Variants in BCKDHB observed in about 807,000 individuals in gnomAD.
The protein encoded by BCKDHB is 2-oxoisovalerate dehydrogenase subunit beta, mitochondrial.
BCKDHB carries 41 observed loss-of-function variants against 48.5 expected under a neutral mutation model. That is an observed-to-expected ratio of 0.85 (90% confidence interval 0.66 to 1.10). BCKDHB has a LOEUF of 1.10. Ranked by LOEUF, BCKDHB falls within the 50% of genes least tolerant of loss-of-function variation. The pLI is 0.00. For missense variants in BCKDHB, 496 were observed against 494.2 expected, an observed-to-expected ratio of 1.00 and a Z score of -0.03; for synonymous variants, 201 against 174.8, an observed-to-expected ratio of 1.15 and a Z score of -1.18.
At chr6:80,331,000 G>A (rs1403482807) in intron 9 of BCKDHB, among the ~76,000 whole-genome samples, 1 of 152,060 alleles carries the variant, frequency 6.6e-6, no homozygotes, top group African/African-American at 2.4e-5. Flanking sequence ...AAAGATAATC[G>A]TTTTGCACAA....
intron 3 of BCKDHB, among the ~76,000 whole-genome samples, chr6:80,130,053 A>C (rs545633556): frequency 6.6e-6 from 1 of 152,278 alleles, no homozygotes; most frequent in South Asian, 2.1e-4. Context: ...ATTTCTGCCC[A>C]TTGCTTTTAT....
At chr6:80,195,803 C>G (rs1480822398) in intron 6 of BCKDHB, among the ~76,000 whole-genome samples, 1 of 152,196 alleles carries the variant, frequency 6.6e-6, no homozygotes, top group Non-Finnish European at 1.5e-5. Context: ...CCCCTCCTAC[C>G]TTTCCCCATT....
intron 3 of BCKDHB, among the ~76,000 whole-genome samples, chr6:80,137,005 G>A (rs1770923034): frequency 6.6e-6 from 1 of 152,098 alleles, no homozygotes; most frequent in Non-Finnish European, 1.5e-5. Flanking sequence ...GTGCATTGTT[G>A]GTGGGAATGT....
At chr6:80,286,421 AT>A (rs1766629832) in intron 9 of BCKDHB, among the ~76,000 whole-genome samples, 1 of 152,174 alleles carries the variant, frequency 6.6e-6, no homozygotes, top group African/African-American at 2.4e-5. Flanking sequence ...GGGACAAAAT[AT>A]TTTGTTTATT....
intron 9 of BCKDHB, among the ~76,000 whole-genome samples, chr6:80,332,926 GA>G (rs34943803): frequency 5.3e-4 from 78 of 147,510 alleles, no homozygotes; most frequent in African/African-American, 7.0e-4. Flanking sequence ...GCACTAAAAA[GA>G]AAAAAAAAAA....
intron 8 of BCKDHB, among the ~76,000 whole-genome samples, chr6:80,217,486 C>A (rs541741769): frequency 7.9e-4 from 120 of 152,230 alleles, no homozygotes; most frequent in Non-Finnish European, 1.2e-3. Context: ...CATATCATTA[C>A]AGTTTTTTCT....
At chr6:80,130,522 T>A (rs1034835833) in intron 3 of BCKDHB, among the ~76,000 whole-genome samples, 1 of 152,224 alleles carries the variant, frequency 6.6e-6, no homozygotes. Flanking sequence ...GTCCGTCTGC[T>A]TTCTCCTACT....
Position 80,298,824 on chromosome 6 carries a change from C to T in BCKDHB, c.1038+25603C>T, listed in dbSNP as rs571629402. Among the ~76,000 whole-genome samples the T allele has an allele frequency of 7.2e-5, 11 of 152,266 alleles. No individual in the cohort carries two copies. The East Asian group carries it at 7.8e-4, about 11-fold the overall frequency. On this transcript the variant is annotated intron_variant, in intron 9 of 9. Coordinates refer to ENST00000320393, the MANE Select transcript of BCKDHB (RefSeq NM_183050.4). ...AGAAAGACCCACTCATTGCAGCCAA[C>T]GCTGAATCAGAAGTTCAGTCTGCTG... is the stretch of plus-strand genomic sequence containing the variant.
At chr6:80,115,285 C>G (rs1211193310) in intron 1 of BCKDHB, among the ~76,000 whole-genome samples, 5 of 152,120 alleles carry the variant, frequency 3.3e-5, no homozygotes, top group African/African-American at 1.2e-4. Flanking sequence ...GTAGTTGGGA[C>G]TATCGTCACG....
chr6:80,297,058 G>A (rs1356778116), intron 9 of BCKDHB, among the ~76,000 whole-genome samples: 1 of 152,156 alleles, frequency 6.6e-6, no homozygotes, highest in Non-Finnish European at 1.5e-5. Flanking sequence ...TTAGGTACTA[G>A]GTGTGGAGTC....
At chr6:80,385,431 A>G in the BCKDHB span, among the ~76,000 whole-genome samples, 1 of 152,214 alleles carries the variant, frequency 6.6e-6, no homozygotes, top group Non-Finnish European at 1.5e-5. Context: ...GATGTGTGGG[A>G]GGACCCTGTT....
the BCKDHB span, among the ~76,000 whole-genome samples, chr6:80,399,929 T>A: frequency 2.0e-5 from 3 of 151,914 alleles, no homozygotes; most frequent in Non-Finnish European, 4.4e-5. Context: ...AATAAAGCCA[T>A]ATACCTACAA....
chr6:80,149,903 T>C (rs1771682414), intron 3 of BCKDHB, among the ~76,000 whole-genome samples: 1 of 151,626 alleles, frequency 6.6e-6, no homozygotes, highest in Non-Finnish European at 1.5e-5. Context: ...GGGTGCAGCA[T>C]ACCAGCATGG....
intron 3 of BCKDHB, among the ~76,000 whole-genome samples, chr6:80,162,918 TTCTC>T (rs200099640): frequency 3.3e-5 from 5 of 151,236 alleles, no homozygotes; most frequent in Non-Finnish European, 5.9e-5. Flanking sequence ...TTCTCTTCTC[TTCTC>T]TCTCTCTCTT....
chr6:80,287,403 G>A (rs756372028), intron 9 of BCKDHB, among the ~76,000 whole-genome samples: 1 of 145,128 alleles, frequency 6.9e-6, no homozygotes, highest in Non-Finnish European at 1.5e-5. Context: ...ATCAAATTTA[G>A]GCCTCTTAAT....
At chr6:80,116,572 G>A (rs2490239) in intron 1 of BCKDHB, among the ~76,000 whole-genome samples, 101,195 of 152,028 alleles carry the variant, frequency 0.67, 34,643 homozygotes, top group African/African-American at 0.82. Flanking sequence ...TTTTTCAGCA[G>A]TGCTGATGAC....
chr6:80,220,000 T>G (rs1775340807), intron 8 of BCKDHB, among the ~76,000 whole-genome samples: 1 of 152,152 alleles, frequency 6.6e-6, no homozygotes, highest in Non-Finnish European at 1.5e-5. Flanking sequence ...TAAATATGAG[T>G]CTGTTTGACT....
chr6:80,210,473 G>C (rs1039525272), intron 8 of BCKDHB, among the ~76,000 whole-genome samples: 15 of 152,030 alleles, frequency 9.9e-5, no homozygotes, highest in Non-Finnish European at 2.9e-5. Context: ...ATGAGTTGCT[G>C]GTAACAGTTT....
intron 8 of BCKDHB, among the ~76,000 whole-genome samples, chr6:80,257,486 A>T (rs1196691608): frequency 4.0e-5 from 6 of 151,104 alleles, no homozygotes; most frequent in African/African-American, 1.5e-4. Flanking sequence ...TAACAGTATA[A>T]GTATCTTGTT....
Sources: gnomAD v4.1 joint callset for allele counts (sites outside exome capture counted in the v4.1 genomes callset) on GRCh38, gnomAD v4.1.1 for gene constraint, MANE v1.5 for transcripts, NCBI Gene and HGNC (gene_info 2026-07-23, HGNC 2026-07-21) for gene names.